Variants in RYR2 observed in about 807,000 individuals in gnomAD.
RYR2 encodes the protein cardiac muscle ryanodine receptor-calcium release channel.
Under a neutral mutation model 601.1 loss-of-function variants are expected in RYR2, and 227 were observed. That is an observed-to-expected ratio of 0.38 (90% confidence interval 0.34 to 0.42). The LOEUF (loss-of-function observed/expected upper bound fraction) is 0.42. Ranked by LOEUF, RYR2 falls within the 10% of genes least tolerant of loss-of-function variation. The pLI is 1.00. For missense variants in RYR2, 4,646 were observed against 6,156.5 expected, an observed-to-expected ratio of 0.75 and a Z score of 8.21; for synonymous variants, 2,223 against 2,175.1, an observed-to-expected ratio of 1.02 and a Z score of -0.61.
intron 100 of RYR2, among the ~76,000 whole-genome samples, chr1:237,814,402 A>G (rs1161756500): frequency 6.6e-6 from 1 of 152,030 alleles, no homozygotes; most frequent in Non-Finnish European, 1.5e-5. Context: ...CATTTTATTC[A>G]CTTCATCCTG....
At chr1:237,354,829 C>T (rs941239628) in intron 3 of RYR2, among the ~76,000 whole-genome samples, 3 of 152,116 alleles carry the variant, frequency 2.0e-5, no homozygotes, top group Non-Finnish European at 4.4e-5. Flanking sequence ...AAGTTTAGAA[C>T]AGATTTTTCT....
intron 1 of RYR2, among the ~76,000 whole-genome samples, chr1:237,108,806 T>C (rs186075414): frequency 2.0e-5 from 3 of 152,356 alleles, no homozygotes; most frequent in Admixed American, 1.3e-4. Context: ...GTCTCTTGTC[T>C]GTGCTTTCCA....
chr1:237,567,661 C>T (rs1214530758), intron 28 of RYR2, among the ~76,000 whole-genome samples: 1 of 151,362 alleles, frequency 6.6e-6, no homozygotes, highest in Non-Finnish European at 1.5e-5. Flanking sequence ...ATAATAGTCA[C>T]TTTTGATTGG....
chr1:237,423,157 A>G lies in RYR2; in HGVS notation c.914A>G (p.Tyr305Cys). ...CTACGCCATGTCACAACAGGAAAATACTTGAGTCTCATGGAAGACAAAAAC... is the reference window on the plus strand; with the variant it reads ...CTACGCCATGTCACAACAGGAAAATGCTTGAGTCTCATGGAAGACAAAAAC... ...FRLRHVTTGKYLSLMEDKNLL... is the reference protein window; with the variant it reads ...FRLRHVTTGKCLSLMEDKNLL... Residue 305 changes from tyrosine (Y) to cysteine (C), a missense_variant, in exon 12 of 105, where the codon TAC becomes TGC. By Grantham distance (194) the Tyr-to-Cys change is radical (BLOSUM62 -2). Around this residue, in one of 17 missense-constraint regions of RYR2, gnomAD observed 1,807 missense variants for 2,088.1 expected, o/e 0.87. Transcript: ENST00000366574. 3.1e-6 allele frequency: 5 copies of G among 1,613,906 alleles called. No homozygotes were observed. The highest frequency in any genetic ancestry group is 4.2e-6 in the Non-Finnish European group (5 of 1,179,840).
chr1:237,729,154 T>A (rs1288685941), intron 76 of RYR2, among the ~76,000 whole-genome samples: 1 of 152,136 alleles, frequency 6.6e-6, no homozygotes, highest in Non-Finnish European at 1.5e-5. Context: ...GTTTCTGTGA[T>A]GTCATAGAGT....
chr1:237,187,754 T>C (rs1023717126), intron 1 of RYR2, among the ~76,000 whole-genome samples: 1 of 151,886 alleles, frequency 6.6e-6, no homozygotes, highest in African/African-American at 2.4e-5. Context: ...CCACATAGAG[T>C]TGTAAATCAT....
At position 237,340,238 on chromosome 1, in the gene RYR2, A is replaced by G. The variant is rs150613933; in HGVS notation, c.273+9256A>G. On this transcript the variant is annotated intron_variant, in intron 3 of 104. Coordinates refer to ENST00000366574, the MANE Select transcript of RYR2 (RefSeq NM_001035.3). ...TGCTCAGGTGTCTCCATGACCAAGA[A>G]ATAGAAAGCGCATGTCCATTCTCCA... Among the ~76,000 whole-genome samples, 4 of 152,316 alleles carry G rather than the reference A, an allele frequency of 2.6e-5. No individual in the cohort carries two copies. In the East Asian group the frequency reaches 7.7e-4, roughly 29 times the overall value.
intron 2 of RYR2, among the ~76,000 whole-genome samples, chr1:237,312,917 G>A (rs767235076): frequency 6.6e-6 from 1 of 151,594 alleles, no homozygotes; most frequent in African/African-American, 2.4e-5. Flanking sequence ...TTTCTTTTTC[G>A]GCCTTTGAAG....
chr1:237,333,660 C>T (rs1353560591), intron 3 of RYR2: 6 of 455,868 alleles, frequency 1.3e-5, no homozygotes, highest in Non-Finnish European at 2.6e-5. Flanking sequence ...ATGCTGCTGG[C>T]ACTTGTAGGA....
chr1:237,684,179 G>A (rs765786084), intron 62 of RYR2, among the ~76,000 whole-genome samples: 11 of 151,598 alleles, frequency 7.3e-5, no homozygotes, highest in South Asian at 2.1e-4. Flanking sequence ...CAGGTGATCC[G>A]CCCACTTCTG....
chr1:237,775,170 T>C (rs1233029294), intron 87 of RYR2, among the ~76,000 whole-genome samples: 3 of 151,882 alleles, frequency 2.0e-5, no homozygotes, highest in Non-Finnish European at 2.9e-5. Context: ...ATCTGAAATA[T>C]GTATTTTGGA....
intron 28 of RYR2, among the ~76,000 whole-genome samples, chr1:237,567,657 G>T (rs1448814203): frequency 6.6e-6 from 1 of 151,474 alleles, no homozygotes; most frequent in African/African-American, 2.4e-5. Context: ...GATAATAATA[G>T]TCACTTTTGA....
At chr1:237,718,183 A>G (rs932597520) in intron 72 of RYR2, among the ~76,000 whole-genome samples, 10 of 152,210 alleles carry the variant, frequency 6.6e-5, no homozygotes, top group African/African-American at 2.4e-4. Context: ...TCAGCCCAAG[A>G]AAACATGCTA....
At chr1:237,170,609 GC>G (rs1358401581) in intron 1 of RYR2, among the ~76,000 whole-genome samples, 1 of 152,104 alleles carries the variant, frequency 6.6e-6, no homozygotes, top group East Asian at 1.9e-4. Flanking sequence ...TTAAATCTTT[GC>G]AATAAATATT....
At chr1:237,247,677 A>G (rs1686996424) in intron 1 of RYR2, among the ~76,000 whole-genome samples, 1 of 152,170 alleles carries the variant, frequency 6.6e-6, no homozygotes. Context: ...CAAAAGAGAA[A>G]CATTTTGCAG....
chr1:237,499,487 G>A lies in RYR2; in HGVS notation c.2204-1224G>A, dbSNP rs78053841. ...AATATATTTGATTATAATAGATATC[G>A]TGTAAATAACATCGCTATTAGCTAC... On this transcript the variant is annotated intron_variant, in intron 20 of 104. Transcript: ENST00000366574. 8.0e-3 allele frequency among the ~76,000 whole-genome samples: 1,221 copies of A among 152,196 alleles called. 14 individuals are homozygous for A. The highest frequency in any genetic ancestry group is 0.027 in the African/African-American group (1,130 of 41,514).
chr1:237,483,373 T>A (rs190826946), intron 17 of RYR2, among the ~76,000 whole-genome samples: 12 of 152,332 alleles, frequency 7.9e-5, no homozygotes, highest in Admixed American at 2.0e-4. Flanking sequence ...ATGTCTTACA[T>A]GTATTGCTAT....
intron 25 of RYR2, among the ~76,000 whole-genome samples, chr1:237,534,497 A>G (rs1447175856): frequency 5.3e-5 from 8 of 152,084 alleles, no homozygotes; most frequent in Admixed American, 5.2e-4. Flanking sequence ...CATGCATGAA[A>G]CATTTATAAA....
At chr1:237,757,885 T>A in intron 82 of RYR2, 109 bp downstream of exon 82, 1 of 696,404 alleles carries the variant, frequency 1.4e-6, no homozygotes. Flanking sequence ...TATGGCTCAA[T>A]TTTAGTTTAC....
Sources: gnomAD v4.1 joint callset for allele counts (sites outside exome capture counted in the v4.1 genomes callset) on GRCh38, gnomAD v4.1.1 for gene constraint, gnomAD v4.1.1 regional missense constraint, MANE v1.5 for transcripts, NCBI Gene and HGNC (gene_info 2026-07-23, HGNC 2026-07-21) for gene names.